Variants in VWA5B1 observed in about 807,000 individuals in gnomAD.
The protein encoded by VWA5B1 is von Willebrand factor A domain containing 5B1, also known as von Willebrand factor A domain-containing protein 5B1.
Under a neutral mutation model 118.2 loss-of-function variants are expected in VWA5B1, and 115 were observed. The observed-to-expected ratio is 0.97, with a 90% CI of 0.84 to 1.14. The LOEUF (loss-of-function observed/expected upper bound fraction) is 1.14. Ranked by LOEUF, VWA5B1 falls within the 50% of genes most tolerant of loss-of-function variation. The probability of loss-of-function intolerance (pLI) is 0.00; values close to 1 mark genes in which losing one functional copy is unlikely to be tolerated. For synonymous variants in VWA5B1, 682 were observed against 658.4 expected (o/e 1.04, Z -0.55); for missense variants, 1,596 against 1,603.8 (o/e 1.00, Z 0.08).
Position 20,343,403 on chromosome 1 carries a change from A to ACGGAACTGCGCCCCTCCCG in VWA5B1, c.2626+15_2626+33dup. 2.0e-6 allele frequency: 3 copies of ACGGAACTGCGCCCCTCCCG among 1,509,878 alleles called. No individual in the cohort carries two copies. In the East Asian group the frequency reaches 7.4e-5, roughly 37 times the overall value. 93.5% of individuals were successfully genotyped at this position (1,509,878 alleles called of 1,614,324 possible). The stretch of plus-strand genomic sequence containing the variant: ...GGCGAGATCGAGCAGGGTGAGCGCC[A>ACGGAACTGCGCCCCTCCCG]CGGAACTGCGCCCCTCCCGCGGACG... On this transcript the variant is annotated intron_variant, in intron 16 of 21. Transcript: ENST00000289815.
intron 12 of VWA5B1, among the ~76,000 whole-genome samples, chr1:20,333,303 G>T (rs530522243): frequency 6.6e-6 from 1 of 152,098 alleles, no homozygotes; most frequent in Admixed American, 6.6e-5. Flanking sequence ...GTGAAACCCC[G>T]TTCTCTACTA....
intron 1 of VWA5B1, among the ~76,000 whole-genome samples, chr1:20,299,943 G>T (rs1396819004): frequency 6.6e-6 from 1 of 152,222 alleles, no homozygotes; most frequent in Non-Finnish European, 1.5e-5. Context: ...AGGGTCACAG[G>T]CCCTGCGTAA....
At chr1:20,331,961 A>C (rs1450531057) in intron 11 of VWA5B1, among the ~76,000 whole-genome samples, 1 of 152,100 alleles carries the variant, frequency 6.6e-6, no homozygotes, top group Non-Finnish European at 1.5e-5. Flanking sequence ...AACACCTACC[A>C]CACCTAGCGC....
chr1:20,291,362 T>TCTCTCTCTCC (rs2088299207), intron 1 of VWA5B1, among the ~76,000 whole-genome samples: 1 of 129,218 alleles, frequency 7.7e-6, no homozygotes, highest in Non-Finnish European at 1.5e-5. Context: ...TCTTTCTTTC[T>TCTCTCTCTCC]CTCTCTCTCT....
In VWA5B1 at chr1:20,356,855, G is replaced by A. The variant is rs1259230494; in HGVS notation, c.*2592G>A. ...TTTTAAAGAACTTCAGTGGTATTGA[G>A]ATGACATGCAGCCTCAAAAACGTGC... On this transcript the variant is annotated 3_prime_UTR_variant, in exon 22 of 22. Coordinates refer to ENST00000289815, the MANE Select transcript of VWA5B1 (RefSeq NM_001039500.3). 6.6e-6 allele frequency among the ~76,000 whole-genome samples: 1 copy of A among 152,216 alleles called. No homozygotes were observed. Among genetic ancestry groups the A allele is most frequent in the Non-Finnish European group, 1.5e-5 (1 of 68,034 alleles).
intron 11 of VWA5B1, among the ~76,000 whole-genome samples, chr1:20,332,479 C>CAAAATAAAATAAAAT (rs56767113): frequency 0.056 from 4,978 of 88,730 alleles, 244 homozygotes; most frequent in South Asian, 0.085. Context: ...GACTCTGTCT[C>CAAAATAAAATAAAAT]AAAATAAAAT....
At chr1:20,306,483 G>A (rs1245330331) in intron 1 of VWA5B1, among the ~76,000 whole-genome samples, 1 of 152,188 alleles carries the variant, frequency 6.6e-6, no homozygotes, top group Non-Finnish European at 1.5e-5. Flanking sequence ...GGGATGACAA[G>A]AAGAGGCCAG....
At chr1:20,328,980 T>G (rs1452593389) in intron 9 of VWA5B1, among the ~76,000 whole-genome samples, 1 of 152,246 alleles carries the variant, frequency 6.6e-6, no homozygotes, top group Non-Finnish European at 1.5e-5. Context: ...TGTAACCTAC[T>G]TTTCTAACGC....
In VWA5B1 at chr1:20,310,455, T is replaced by A. The variant is rs1036582058; in HGVS notation, c.-26-121T>A. The A allele has an allele frequency of 1.4e-5, 14 of 1,018,836 alleles. No homozygotes were observed. The African/African-American group carries it at 2.3e-4, about 17-fold the overall frequency. 63.1% of individuals were successfully genotyped at this position (1,018,836 alleles called of 1,614,324 possible). On this transcript the variant is annotated intron_variant, in intron 1 of 21. Coordinates refer to ENST00000289815, the MANE Select transcript of VWA5B1 (RefSeq NM_001039500.3). The stretch of plus-strand genomic sequence containing the variant: ...CACTTCCTTCCCAGGAACTGGGAAG[T>A]TCTTGGGGAAAATGAAAACAATGAT...
Position 20,357,540 on chromosome 1 carries a change from C to T in VWA5B1, c.*3277C>T, listed in dbSNP as rs907639804. Among the ~76,000 whole-genome samples the T allele has an allele frequency of 6.6e-6, 1 of 152,216 alleles. No individual in the cohort carries two copies. The highest frequency in any genetic ancestry group is 1.5e-5 in the Non-Finnish European group (1 of 68,032). On this transcript the variant is annotated 3_prime_UTR_variant, in exon 22 of 22. Coordinates refer to ENST00000289815, the MANE Select transcript of VWA5B1 (RefSeq NM_001039500.3). ...GCTGGTCTAGATCTCTCTTAGGGCT[C>T]CTGCGGCACTGGCGTTCAGAAAGCC...
At chr1:20,351,383 G>T (rs2090126209) in intron 20 of VWA5B1, among the ~76,000 whole-genome samples, 1 of 152,228 alleles carries the variant, frequency 6.6e-6, no homozygotes, top group African/African-American at 2.4e-5. Context: ...GCCAGGCATG[G>T]TGGCTCACCC....
In VWA5B1 at chr1:20,343,482, C is replaced by A. The variant is rs1230480498; in HGVS notation, c.2626+89C>A. ...CCGCTCCCCCTTCCCCACCCGCCCC[C>A]GGTGATCCTCTCAGCCCCGCGTGGT... On this transcript the variant is annotated intron_variant, in intron 16 of 21. Coordinates refer to ENST00000289815, the MANE Select transcript of VWA5B1 (RefSeq NM_001039500.3). The A allele has an allele frequency of 8.3e-6, 12 of 1,441,340 alleles. No individual in the cohort carries two copies. In the East Asian group the frequency reaches 1.5e-4, roughly 18 times the overall value. The allele number at this position is 1,441,340 out of a possible 1,614,324, so 89.3% of individuals were successfully genotyped here.
intron 10 of VWA5B1, 63 bp from the exon 11 acceptor site, chr1:20,330,806 C>A: frequency 6.9e-7 from 1 of 1,458,096 alleles, no homozygotes; most frequent in Non-Finnish European, 9.4e-7. Flanking sequence ...TCCCTTTCTG[C>A]ATCAGGAGGC....
chr1:20,314,292 TACAGCCCCTG>T lies in VWA5B1; in HGVS notation c.293-27_293-18del. The T allele has an allele frequency of 6.5e-7, 1 of 1,548,244 alleles. No homozygotes were observed. The highest frequency in any genetic ancestry group is 8.7e-7 in the Non-Finnish European group (1 of 1,144,536). On this transcript the variant is annotated intron_variant, in intron 3 of 21. Coordinates refer to ENST00000289815, the MANE Select transcript of VWA5B1 (RefSeq NM_001039500.3). ...TAGAGGGGATCAGAGATAATCTATG[TACAGCCCCTG>T]ACGCCAGCCTGGCACTTAGGGAACA... is the stretch of plus-strand genomic sequence containing the variant.
In VWA5B1 at chr1:20,318,637, G is replaced by A. The variant is rs1354777172; in HGVS notation, c.757G>A (p.Ala253Thr). The A allele has an allele frequency of 6.4e-6, 10 of 1,550,644 alleles. No homozygotes were observed. In the African/African-American group the frequency reaches 6.8e-5, roughly 11 times the overall value. Residue 253 changes from alanine (A) to threonine (T), a missense_variant, in exon 6 of 22, where the codon GCC becomes ACC. Transcript: ENST00000289815. Reference protein sequence around the residue: ...HEIRADAAPSARSAKSIIITL... With the variant: ...HEIRADAAPSTRSAKSIIITL... Reference sequence around the variant, plus strand: ...GATTCGTGCCGACGCCGCCCCATCTGCCCGCTCGGCCAAGAGCATCATCAT... The same window carrying A: ...GATTCGTGCCGACGCCGCCCCATCTACCCGCTCGGCCAAGAGCATCATCAT...
At position 20,343,305 on chromosome 1, in the gene VWA5B1, A is replaced by G. The variant is rs761220870; in HGVS notation, c.2538A>G (p.Leu846=). The G allele has an allele frequency of 2.6e-6, 4 of 1,546,896 alleles. No individual in the cohort carries two copies. In the African/African-American group the frequency reaches 4.1e-5, roughly 16 times the overall value. ...GGGGCGGCGCGCAGGATGCCGACCT[A>G]TGGAGCGAGACCTTCCACCACCTGG... is the stretch of plus-strand genomic sequence containing the variant. ...PERGGAQDAD[L]WSETFHHLAA... The change falls in exon 16 of 22, where the codon CTA becomes CTG. Residue 846 remains leucine (L), a synonymous_variant. Transcript: ENST00000289815.
chr1:20,319,310 T>C, intron 6 of VWA5B1, 72 bp from the exon 7 acceptor site: 1 of 1,532,154 alleles, frequency 6.5e-7, no homozygotes, highest in South Asian at 1.2e-5. Flanking sequence ...ATCTTGCACC[T>C]AAACCAAAGC....
intron 17 of VWA5B1, 59 bp from the exon 18 acceptor site, chr1:20,348,186 A>C (rs541961276): frequency 1.4e-4 from 210 of 1,456,544 alleles, no homozygotes; most frequent in Non-Finnish European, 1.9e-4. Flanking sequence ...CTCTGGGGGA[A>C]AGGCAAAGGA....
intron 1 of VWA5B1, among the ~76,000 whole-genome samples, chr1:20,308,833 CA>C (rs1446098757): frequency 6.6e-6 from 1 of 152,148 alleles, no homozygotes; most frequent in Non-Finnish European, 1.5e-5. Flanking sequence ...GGAGGGGACC[CA>C]GGGGGAAACA....
Sources: allele counts gnomAD v4.1 joint callset (sites outside exome capture counted in the v4.1 genomes callset), GRCh38; gene constraint gnomAD v4.1.1; transcripts MANE v1.5; gene names NCBI Gene and HGNC (gene_info 2026-07-23, HGNC 2026-07-21).